OTUD3: variants seen among roughly 807,000 people sequenced by gnomAD.
OTUD3 encodes OTU domain-containing protein 3.
A neutral mutation model predicts 46.2 loss-of-function variants in OTUD3; 24 were observed. The ratio of observed to expected loss-of-function variants is 0.52; its 90% confidence interval spans 0.38 to 0.73. OTUD3 has a LOEUF of 0.73. Among genes scored for constraint, OTUD3 ranks in the 30% least tolerant of loss-of-function variants. The pLI is 0.00. For synonymous variants in OTUD3, 189 were observed against 195.4 expected, an observed-to-expected ratio of 0.97 and a Z score of 0.27; for missense variants, 455 against 523.3, an observed-to-expected ratio of 0.87 and a Z score of 1.27.
At chr1:19,899,408 A>C (rs554364304) in intron 4 of OTUD3, among the ~76,000 whole-genome samples, 117 of 152,310 alleles carry the variant, frequency 7.7e-4, no homozygotes, top group African/African-American at 2.8e-3. Context: ...TTTAAATTTA[A>C]CATGTCTTGG....
chr1:19,897,700 C>T, intron 4 of OTUD3, 38 bp downstream of exon 4: 2 of 1,598,896 alleles, frequency 1.3e-6, no homozygotes, highest in Non-Finnish European at 8.5e-7. Context: ...ATTCCCCGCC[C>T]TACAGGAAAC....
Position 19,882,598 on chromosome 1 carries a change from G to T in OTUD3, c.85G>T (p.Ala29Ser). 1 of 1,425,290 alleles carries T rather than the reference G, an allele frequency of 7.0e-7. No homozygotes were observed. Among genetic ancestry groups the T allele is most frequent in the Non-Finnish European group, 9.1e-7 (1 of 1,093,482 alleles). 88.3% of individuals were successfully genotyped at this position (1,425,290 alleles called of 1,614,324 possible). A position where few individuals can be genotyped will look rare whatever the true frequency, so the allele number is the denominator to read the frequency against. ...EAERKRDERA[A>S]RRALAKERRN... Reference sequence around the variant, plus strand: ...CGAGCGCAAGCGGGACGAGCGGGCGGCGCGCCGGGCCCTGGCCAAGGAGCG... The same window carrying T: ...CGAGCGCAAGCGGGACGAGCGGGCGTCGCGCCGGGCCCTGGCCAAGGAGCG... The change falls in exon 1 of 8, where the codon GCG becomes TCG. Residue 29 changes from alanine to serine, a missense_variant. Coordinates refer to ENST00000375120, the MANE Select transcript of OTUD3 (RefSeq NM_015207.2).
rs116709824 is a variant in OTUD3, at chr1:19,893,753, A to G, written c.371-615A>G. ...CCAGACCTCTCTTTGGGCAAGGCCA[A>G]ATTCTTACTGCACATGCCCTTCCTG... On this transcript the variant is annotated intron_variant, in intron 2 of 7. Coordinates refer to ENST00000375120, the MANE Select transcript of OTUD3 (RefSeq NM_015207.2). Among the ~76,000 whole-genome samples the G allele has an allele frequency of 6.8e-3, 1,032 of 152,328 alleles. 15 individuals carry two copies. The highest frequency in any genetic ancestry group is 0.023 in the African/African-American group (949 of 41,586).
intron 1 of OTUD3, among the ~76,000 whole-genome samples, chr1:19,884,454 G>A (rs996265814): frequency 3.3e-5 from 5 of 152,210 alleles, no homozygotes; most frequent in Non-Finnish European, 7.3e-5. Flanking sequence ...CTGGGAATAT[G>A]TTGATGACTA....
At chr1:19,907,508 C>T (rs1369952180) in intron 7 of OTUD3, 62 bp from the exon 8 acceptor site, 1 of 1,518,306 alleles carries the variant, frequency 6.6e-7, no homozygotes, top group Non-Finnish European at 9.1e-7. Flanking sequence ...CATCTCCCTT[C>T]TAGCAGGTGG....
intron 1 of OTUD3, among the ~76,000 whole-genome samples, chr1:19,883,656 AT>A (rs1372641309): frequency 7.6e-6 from 1 of 131,936 alleles, no homozygotes. Context: ...TATTATTGTT[AT>A]TTTGTAGAGA....
At position 19,882,642 on chromosome 1, in the gene OTUD3, T is replaced by TGGC. The variant is rs760015062; in HGVS notation, c.142_144dup (p.Gly48dup). 79 of 1,461,362 alleles carry TGGC rather than the reference T, an allele frequency of 5.4e-5. 1 individual carries two copies. In the East Asian group the frequency reaches 8.7e-4, roughly 16 times the overall value. The allele number at this position is 1,461,362 out of a possible 1,614,324, so 90.5% of individuals were successfully genotyped here. On this transcript the variant is annotated inframe_insertion, in exon 1 of 8. Transcript: ENST00000375120. ...AGGAGCGGCGGAATCGGCCGGAGTC[T>TGGC]GGCGGCGGCGGCGGCTGCGAGGAGG...
chr1:19,906,313 G>A (rs1557682179), intron 6 of OTUD3, 119 bp from the exon 7 acceptor site: 10 of 814,514 alleles, frequency 1.2e-5, no homozygotes, highest in Non-Finnish European at 1.6e-5. Flanking sequence ...TTGTCTCAAG[G>A]AAACTTACTT....
rs1452292826 is a variant in OTUD3 at position 19,911,393 on chromosome 1, T to TC, written c.*3647_*3648insC. 1 of 150,816 alleles carries TC rather than the reference T, an allele frequency of 6.6e-6. No homozygotes were observed. The highest frequency in any genetic ancestry group is 2.4e-5 in the African/African-American group (1 of 40,936). 9.3% of individuals were successfully genotyped at this position (150,816 alleles called of 1,614,324 possible). A position where few individuals can be genotyped will look rare whatever the true frequency, so the allele number is the denominator to read the frequency against. ...TTTTCCTGGCTCTAAAGTAAATTTT[T>TC]TTTTTTTTTTTTTTGAGACAGAGTC... On this transcript the variant is annotated 3_prime_UTR_variant, in exon 8 of 8. Transcript: ENST00000375120.
chr1:19,907,836 C>T lies in OTUD3; in HGVS notation c.*90C>T. The T allele has an allele frequency of 1.7e-6, 2 of 1,205,524 alleles. No homozygotes were observed. Among genetic ancestry groups the T allele is most frequent in the Non-Finnish European group, 2.3e-6 (2 of 854,204 alleles). The allele number at this position is 1,205,524 out of a possible 1,614,324, so 74.7% of individuals were successfully genotyped here. A position where few individuals can be genotyped will look rare whatever the true frequency, so the allele number is the denominator to read the frequency against. ...AGTGAGGCCGTCCTTTTATAAAACG[C>T]AACACAACCAACGAAGCCCACACAT... On this transcript the variant is annotated 3_prime_UTR_variant, in exon 8 of 8. Coordinates refer to ENST00000375120, the MANE Select transcript of OTUD3 (RefSeq NM_015207.2).
intron 1 of OTUD3, among the ~76,000 whole-genome samples, chr1:19,886,576 C>T (rs2100240827): frequency 6.6e-6 from 1 of 152,234 alleles, no homozygotes; most frequent in East Asian, 1.9e-4. Context: ...TCAACTACAT[C>T]AGAATCTTAG....
At chr1:19,889,174 C>T (rs1015429514) in intron 1 of OTUD3, among the ~76,000 whole-genome samples, 1 of 152,112 alleles carries the variant, frequency 6.6e-6, no homozygotes, top group Non-Finnish European at 1.5e-5. Context: ...TAGCAAGACA[C>T]CTCAGTCTAG....
intron 7 of OTUD3, 42 bp from the exon 8 acceptor site, chr1:19,907,528 T>G (rs759446912): frequency 6.3e-7 from 1 of 1,590,366 alleles, no homozygotes; most frequent in African/African-American, 1.3e-5. Flanking sequence ...GCAGCTTGAG[T>G]CCCCCGTGCT....
Position 19,907,988 on chromosome 1 carries a change from T to C in OTUD3, c.*242T>C, listed in dbSNP as rs376269076. On this transcript the variant is annotated 3_prime_UTR_variant, in exon 8 of 8. Coordinates refer to ENST00000375120, the MANE Select transcript of OTUD3 (RefSeq NM_015207.2). ...CATATTCTGTAATACAAAATTAAAA[T>C]ACTGAGTTTTAGGGGCAGATAGTTA... The C allele has an allele frequency of 1.5e-4, 57 of 380,482 alleles. No individual in the cohort carries two copies. The East Asian group carries it at 1.7e-3, about 11-fold the overall frequency. 23.6% of individuals were successfully genotyped at this position (380,482 alleles called of 1,614,324 possible).
Position 19,912,325 on chromosome 1 carries a change from G to GA in OTUD3, c.*4580dup, listed in dbSNP as rs2045743768. ...CGGTTTGATCCCTGGCAGGTCCCTCGAGCAGTACTGGTAAGAGGCTTCACA... is the reference window on the plus strand; with the variant it reads ...CGGTTTGATCCCTGGCAGGTCCCTCGAAGCAGTACTGGTAAGAGGCTTCACA... On this transcript the variant is annotated 3_prime_UTR_variant, in exon 8 of 8. Transcript: ENST00000375120. The GA allele has an allele frequency of 6.6e-6, 1 of 152,322 alleles. No homozygotes were observed. Among genetic ancestry groups the GA allele is most frequent in the Non-Finnish European group, 1.5e-5 (1 of 68,058 alleles). 9.4% of individuals were successfully genotyped at this position (152,322 alleles called of 1,614,324 possible). A position where few individuals can be genotyped will look rare whatever the true frequency, so the allele number is the denominator to read the frequency against.
At chr1:19,882,781 G>A in intron 1 of OTUD3, 47 bp downstream of exon 1, 1 of 1,262,042 alleles carries the variant, frequency 7.9e-7, no homozygotes. Flanking sequence ...GGACGCGCCG[G>A]GCTCGGCCTG....
intron 7 of OTUD3, among the ~76,000 whole-genome samples, 166 bp from the exon 8 acceptor site, chr1:19,907,404 G>A (rs2045674284): frequency 6.6e-6 from 1 of 152,202 alleles, no homozygotes; most frequent in African/African-American, 2.4e-5. Context: ...AAATTTAAAT[G>A]CAAATTTGAG....
rs1571183440 is a variant in OTUD3 at position 19,905,100 on chromosome 1, A to C, written c.835+113A>C. On this transcript the variant is annotated intron_variant, in intron 6 of 7. Transcript: ENST00000375120. ...GTAACTGTTCTGTCATTCATTTAGGAGTTGTTTATTGAGCACGTTCTGTAC... is the reference window on the plus strand; with the variant it reads ...GTAACTGTTCTGTCATTCATTTAGGCGTTGTTTATTGAGCACGTTCTGTAC... 12 of 667,032 alleles carry C rather than the reference A, an allele frequency of 1.8e-5. No homozygotes were observed. In the East Asian group the frequency reaches 3.2e-4, roughly 18 times the overall value. The allele number at this position is 667,032 out of a possible 1,614,324, so 41.3% of individuals were successfully genotyped here. A position where few individuals can be genotyped will look rare whatever the true frequency, so the allele number is the denominator to read the frequency against.
chr1:19,901,339 A>G (rs1454937904), intron 4 of OTUD3, among the ~76,000 whole-genome samples: 3 of 152,190 alleles, frequency 2.0e-5, no homozygotes, highest in Non-Finnish European at 2.9e-5. Context: ...TTTTCTTCAT[A>G]TAGATCTTGC....
Sources: gnomAD v4.1 joint callset for allele counts (sites outside exome capture counted in the v4.1 genomes callset) on GRCh38, gnomAD v4.1.1 for gene constraint, MANE v1.5 for transcripts, NCBI Gene and HGNC (gene_info 2026-07-23, HGNC 2026-07-21) for gene names.